The following MCPH1 variants were observed in gnomAD, a reference collection of about 807,000 sequenced individuals.
MCPH1 encodes the protein microcephalin 1.
In MCPH1, 104 loss-of-function variants were observed where a neutral mutation model predicts 84.5. The ratio of observed to expected loss-of-function variants is 1.23; its 90% CI spans 1.05 to 1.45. MCPH1 has a LOEUF of 1.45. MCPH1 is among the 40% of genes most tolerant of loss of function. MCPH1 has a pLI of 0.00. For missense variants in MCPH1, 1,498 were observed against 1,005.7 expected (o/e 1.49, Z -6.62); for synonymous variants, 514 against 366.8 (o/e 1.40, Z -4.58).
chr8:6,580,597 G>C (rs1258637508), intron 12 of MCPH1, among the ~76,000 whole-genome samples: 3 of 152,212 alleles, frequency 2.0e-5, no homozygotes, highest in African/African-American at 7.2e-5. Context: ...GTTGCAGTGA[G>C]CTGTGATCAT....
intron 3 of MCPH1, among the ~76,000 whole-genome samples, chr8:6,424,774 A>G (rs1181287573): frequency 1.3e-5 from 2 of 152,216 alleles, no homozygotes; most frequent in Admixed American, 6.5e-5. Flanking sequence ...GTGCTAGACC[A>G]CAGAAGTTCG....
At chr8:6,481,028 T>C in intron 11 of MCPH1, 152 bp downstream of exon 11, 1 of 985,212 alleles carries the variant, frequency 1.0e-6, no homozygotes, top group Non-Finnish European at 1.5e-6. Flanking sequence ...TTTCCTCCTG[T>C]TGGTCTCCCG....
At chr8:6,468,731 A>T (rs1807320479) in intron 9 of MCPH1, among the ~76,000 whole-genome samples, 1 of 150,816 alleles carries the variant, frequency 6.6e-6, no homozygotes, top group Non-Finnish European at 1.5e-5. Flanking sequence ...TGCTGTATGG[A>T]TCACTATTAT....
chr8:6,443,168 C>T (rs1013596516), intron 7 of MCPH1, among the ~76,000 whole-genome samples: 3 of 152,192 alleles, frequency 2.0e-5, no homozygotes, highest in Non-Finnish European at 4.4e-5. Context: ...AACCAGGACA[C>T]AGAGGTCAAA....
intron 3 of MCPH1, among the ~76,000 whole-genome samples, chr8:6,431,041 G>C (rs2251947): frequency 0.49 from 73,798 of 151,990 alleles, 18,354 homozygotes; most frequent in East Asian, 0.8. Context: ...TGGGGCTGAT[G>C]GTGGTGTCTG....
intron 13 of MCPH1, 66 bp downstream of exon 13, chr8:6,621,757 C>T (rs771768921): frequency 8.5e-5 from 136 of 1,606,910 alleles, no homozygotes; most frequent in Non-Finnish European, 1.0e-4. Context: ...CCAGGGAGGG[C>T]GGCGTCAGGC....
At chr8:6,453,662 A>T (rs898728583) in intron 8 of MCPH1, among the ~76,000 whole-genome samples, 6 of 152,200 alleles carry the variant, frequency 3.9e-5, no homozygotes, top group Admixed American at 3.3e-4. Context: ...AATATTTGTT[A>T]TTTAAAAAGG....
chr8:6,448,237 C>G (rs1279701843), intron 8 of MCPH1, among the ~76,000 whole-genome samples: 1 of 152,216 alleles, frequency 6.6e-6, no homozygotes, highest in Non-Finnish European at 1.5e-5. Flanking sequence ...GACATCCGAT[C>G]ACAGGCCTGG....
chr8:6,626,522 T>G, intron 13 of MCPH1: 2 of 979,050 alleles, frequency 2.0e-6, no homozygotes, highest in Non-Finnish European at 2.4e-6. Flanking sequence ...TGTGGGTGGT[T>G]GAACATGGAT....
At chr8:6,551,359 T>A (rs900547396) in intron 12 of MCPH1, among the ~76,000 whole-genome samples, 1 of 151,926 alleles carries the variant, frequency 6.6e-6, no homozygotes, top group Admixed American at 6.5e-5. Context: ...AACGCCTTCA[T>A]GGCACGGGAC....
At chr8:6,432,942 A>G (rs568279875) in intron 4 of MCPH1, among the ~76,000 whole-genome samples, 23 of 152,214 alleles carry the variant, frequency 1.5e-4, no homozygotes, top group Non-Finnish European at 3.2e-4. Flanking sequence ...CCCTCCCTCA[A>G]TGTAAGCAGC....
chr8:6,552,780 G>C (rs755857792), intron 12 of MCPH1, among the ~76,000 whole-genome samples: 1 of 151,460 alleles, frequency 6.6e-6, no homozygotes, highest in Non-Finnish European at 1.5e-5. Flanking sequence ...ATTAAGGCAA[G>C]AGATCACTCA....
At chr8:6,565,322 T>C (rs992832150) in intron 12 of MCPH1, among the ~76,000 whole-genome samples, 17 of 151,968 alleles carry the variant, frequency 1.1e-4, no homozygotes, top group African/African-American at 3.9e-4. Context: ...TGCTATTCTC[T>C]GAATGCAAAG....
intron 12 of MCPH1, among the ~76,000 whole-genome samples, chr8:6,604,387 C>T (rs1224420608): frequency 2.0e-5 from 3 of 152,202 alleles, no homozygotes; most frequent in Non-Finnish European, 4.4e-5. Flanking sequence ...ACTCCACTAC[C>T]CTAATGATGA....
intron 12 of MCPH1, among the ~76,000 whole-genome samples, chr8:6,588,543 C>A (rs1176911191): frequency 6.6e-6 from 1 of 152,140 alleles, no homozygotes; most frequent in African/African-American, 2.4e-5. Context: ...TGTGTCCAGC[C>A]GGGCTCCTGG....
chr8:6,451,000 G>A (rs1189864652), intron 8 of MCPH1, among the ~76,000 whole-genome samples: 2 of 152,178 alleles, frequency 1.3e-5, no homozygotes, highest in East Asian at 3.8e-4. Flanking sequence ...GAGCCACTGT[G>A]CCCAGCCTAT....
intron 9 of MCPH1, among the ~76,000 whole-genome samples, chr8:6,468,198 C>G (rs931885880): frequency 6.6e-6 from 1 of 152,192 alleles, no homozygotes; most frequent in African/African-American, 2.4e-5. Flanking sequence ...GTCTTGGGCT[C>G]TGTGGCTTCT....
chr8:6,505,615 A>G (rs1403760775), intron 12 of MCPH1, among the ~76,000 whole-genome samples: 3 of 128,170 alleles, frequency 2.3e-5, no homozygotes, highest in African/African-American at 8.7e-5. Context: ...TATATTCTTT[A>G]TATATTTATA....
chr8:6,528,640 C>T (rs908063631), intron 12 of MCPH1, among the ~76,000 whole-genome samples: 1 of 152,260 alleles, frequency 6.6e-6, no homozygotes, highest in Non-Finnish European at 1.5e-5. Flanking sequence ...GGCTCTCCCG[C>T]GGATTCTCTA....
Sources: gnomAD v4.1 joint callset for allele counts (sites outside exome capture counted in the v4.1 genomes callset) on GRCh38, gnomAD v4.1.1 for gene constraint, MANE v1.5 for transcripts, NCBI Gene and HGNC (gene_info 2026-07-23, HGNC 2026-07-21) for gene names.